Variants in FRMD4A observed in about 807,000 individuals in gnomAD.
FRMD4A encodes the protein FERM domain-containing protein 4A.
FRMD4A carries 29 observed loss-of-function variants against 129.1 expected under a neutral mutation model. The observed-to-expected ratio is 0.22, with a 90% CI of 0.17 to 0.31. FRMD4A has a LOEUF of 0.31. Among genes scored for constraint, FRMD4A ranks in the 10% least tolerant of loss-of-function variants. The probability of loss-of-function intolerance (pLI) is 1.00; values close to 1 mark genes in which losing one functional copy is unlikely to be tolerated. For synonymous variants in FRMD4A, 634 were observed against 571.6 expected (o/e 1.11, Z -1.56); for missense variants, 1,272 against 1,375.8 (o/e 0.92, Z 1.19).
intron 8 of FRMD4A, among the ~76,000 whole-genome samples, chr10:13,751,934 T>C (rs1467835862): frequency 3.3e-5 from 5 of 152,146 alleles, no homozygotes; most frequent in African/African-American, 1.2e-4. Context: ...GAGGATTGCT[T>C]GAGCCCAGGA....
chr10:13,695,935 C>T lies in FRMD4A; in HGVS notation c.976-1896G>A, dbSNP rs1269561806. Among the ~76,000 whole-genome samples, 6 of 152,314 alleles carry T rather than the reference C, an allele frequency of 3.9e-5. No homozygotes were observed. In the East Asian group the frequency reaches 5.8e-4, roughly 15 times the overall value. On this transcript the variant is annotated intron_variant, in intron 14 of 24. Transcript: ENST00000357447. ...TTGCTGTCCACACTGGCAAGGACAG[C>T]GACTTCCGACCTCATGTTAACACGA...
At chr10:13,745,680 T>A (rs2091252788) in intron 9 of FRMD4A, among the ~76,000 whole-genome samples, 1 of 152,144 alleles carries the variant, frequency 6.6e-6, no homozygotes, top group East Asian at 1.9e-4. Flanking sequence ...AACTCTCAGA[T>A]GAGCATAGCA....
intron 2 of FRMD4A, among the ~76,000 whole-genome samples, chr10:13,920,683 C>T (rs1443374602): frequency 1.3e-5 from 2 of 152,236 alleles, no homozygotes; most frequent in African/African-American, 2.4e-5. Flanking sequence ...ACTGTGTTCT[C>T]CCATGGGAAC....
At chr10:14,067,276 A>C (rs1835107409) in intron 2 of FRMD4A, among the ~76,000 whole-genome samples, 1 of 152,004 alleles carries the variant, frequency 6.6e-6, no homozygotes, top group Non-Finnish European at 1.5e-5. Flanking sequence ...AGACCATGCC[A>C]TTGCACTCCA....
intron 2 of FRMD4A, among the ~76,000 whole-genome samples, chr10:13,955,112 C>CCTTTTTTTT (rs2095401661): frequency 9.7e-6 from 1 of 102,974 alleles, no homozygotes; most frequent in South Asian, 3.5e-4. Context: ...AATAATTCTG[C>CCTTTTTTTT]TTTTTTTTTT....
intron 12 of FRMD4A, among the ~76,000 whole-genome samples, chr10:13,714,029 T>TATATATAAAATATATATAATATATA (rs1564672840): frequency 1.1e-4 from 3 of 28,338 alleles, no homozygotes; most frequent in African/African-American, 4.8e-4. Context: ...AAAATATACA[T>TATATATAAAATATATATAATATATA]ATATATATAT....
intron 2 of FRMD4A, among the ~76,000 whole-genome samples, chr10:13,971,213 G>A (rs1214789283): frequency 2.0e-5 from 3 of 152,166 alleles, no homozygotes; most frequent in Non-Finnish European, 4.4e-5. Context: ...CCGCATGCAC[G>A]CACGGTTTGA....
At chr10:14,315,552 T>C (rs1348312454) in intron 2 of FRMD4A, among the ~76,000 whole-genome samples, 1 of 152,202 alleles carries the variant, frequency 6.6e-6, no homozygotes, top group East Asian at 1.9e-4. Flanking sequence ...AGTGATCCAG[T>C]CAAAATGCAA....
intron 15 of FRMD4A, among the ~76,000 whole-genome samples, chr10:13,689,180 C>T (rs1225208722): frequency 1.3e-5 from 1 of 79,030 alleles, no homozygotes; most frequent in Non-Finnish European, 2.8e-5. Flanking sequence ...AATCAATGAG[C>T]AGTACACAAA....
chr10:14,132,503 T>C (rs760511852), intron 2 of FRMD4A, among the ~76,000 whole-genome samples: 3 of 151,764 alleles, frequency 2.0e-5, no homozygotes, highest in Non-Finnish European at 4.4e-5. Flanking sequence ...ACTGAAGAGG[T>C]TGTTATCAAT....
intron 2 of FRMD4A, among the ~76,000 whole-genome samples, chr10:13,979,758 C>A (rs192314194): frequency 6.6e-6 from 1 of 152,202 alleles, no homozygotes; most frequent in East Asian, 1.9e-4. Flanking sequence ...TTTAAAAAAT[C>A]TCTAGCGTCT....
chr10:14,116,391 A>G (rs1281220105), intron 2 of FRMD4A, among the ~76,000 whole-genome samples: 3 of 152,206 alleles, frequency 2.0e-5, no homozygotes, highest in African/African-American at 7.2e-5. Context: ...CATTGAGCCC[A>G]TTGGAATGGG....
intron 2 of FRMD4A, among the ~76,000 whole-genome samples, chr10:14,035,438 A>AG (rs1247673070): frequency 1.3e-5 from 2 of 151,920 alleles, no homozygotes; most frequent in South Asian, 4.2e-4. Context: ...ACAAAAAAAA[A>AG]AAAAGAAGAA....
chr10:13,904,231 C>A (rs2094853983), intron 2 of FRMD4A, among the ~76,000 whole-genome samples: 1 of 87,574 alleles, frequency 1.1e-5, no homozygotes, highest in African/African-American at 4.6e-5. Context: ...TTCCTGCTGG[C>A]GTTTCGCCTC....
chr10:14,135,808 C>G (rs574646294), intron 2 of FRMD4A, among the ~76,000 whole-genome samples: 1 of 152,108 alleles, frequency 6.6e-6, no homozygotes, highest in Non-Finnish European at 1.5e-5. Flanking sequence ...TTTTATTTTG[C>G]GGGATCTACT....
rs2094898637 is a variant in FRMD4A at position 13,907,887 on chromosome 10, C to T, written c.46-48975G>A. Among the ~76,000 whole-genome samples the T allele has an allele frequency of 2.0e-5, 3 of 150,644 alleles. No individual in the cohort carries two copies. In the South Asian group the frequency reaches 6.3e-4, roughly 32 times the overall value. On this transcript the variant is annotated intron_variant, in intron 2 of 24. Coordinates refer to ENST00000357447, the MANE Select transcript of FRMD4A (RefSeq NM_018027.5). ...AAAAAAAAAAAAAGCACAGATAGGC[C>T]GGGTGCAGTGGCTCACACCTGTAAT...
chr10:14,037,310 A>C lies in FRMD4A; in HGVS notation c.46-178398T>G, dbSNP rs540968595. The stretch of plus-strand genomic sequence containing the variant: ...CTGGAGGGCAGTACACTCTGCCTCC[A>C]GGGCTCAAGCGATTCTCCTGCCTCA... On this transcript the variant is annotated intron_variant, in intron 2 of 24. Transcript: ENST00000357447. 4.6e-3 allele frequency among the ~76,000 whole-genome samples: 698 copies of C among 152,240 alleles called. 5 individuals are homozygous for C. The highest frequency in any genetic ancestry group is 6.0e-3 in the Non-Finnish European group (411 of 68,000).
intron 2 of FRMD4A, among the ~76,000 whole-genome samples, chr10:14,279,250 G>A (rs543337183): frequency 7.6e-5 from 11 of 145,536 alleles, no homozygotes; most frequent in South Asian, 4.4e-4. Context: ...GTAGAGTGGC[G>A]CCATCCTGGC....
chr10:13,675,536 G>A (rs1363803849), intron 15 of FRMD4A: 1 of 153,452 alleles, frequency 6.5e-6, no homozygotes, highest in African/African-American at 2.4e-5. Flanking sequence ...CGAGTAGCTG[G>A]GGTTACAGGC....
Sources: gnomAD v4.1 joint callset for allele counts (sites outside exome capture counted in the v4.1 genomes callset) on GRCh38, gnomAD v4.1.1 for gene constraint, MANE v1.5 for transcripts, NCBI Gene and HGNC (gene_info 2026-07-23, HGNC 2026-07-21) for gene names.